Variants in TUB observed in about 807,000 individuals in gnomAD.
The protein encoded by TUB is TUB bipartite transcription factor, also known as tubby protein homolog.
TUB carries 33 observed loss-of-function variants against 59.7 expected under a neutral mutation model. The observed-to-expected ratio is 0.55, with a 90% confidence interval of 0.42 to 0.74. The LOEUF (loss-of-function observed/expected upper bound fraction) is 0.74. Ranked by LOEUF, TUB falls within the 30% of genes least tolerant of loss-of-function variation. The pLI is 0.00. For synonymous variants in TUB, 293 were observed against 256.4 expected (o/e 1.14, Z -1.36); for missense variants, 659 against 672.0 (o/e 0.98, Z 0.21).
At chr11:8,089,567 C>A (rs1395193213) in intron 1 of TUB, 43 bp from the exon 2 acceptor site, 4 of 1,613,544 alleles carry the variant, frequency 2.5e-6, no homozygotes, top group Non-Finnish European at 8.5e-7. Context: ...TATATCCTGG[C>A]ACCTCACGGG....
intron 2 of TUB, among the ~76,000 whole-genome samples, chr11:8,052,706 A>G (rs951118026): frequency 2.0e-5 from 3 of 152,034 alleles, no homozygotes; most frequent in African/African-American, 7.2e-5. Context: ...CGATCTCCTG[A>G]CCTCGTGATC....
chr11:8,089,558 A>G (rs1943731613), intron 1 of TUB, 52 bp from the exon 2 acceptor site: 2 of 1,273,630 alleles, frequency 1.6e-6, no homozygotes, highest in South Asian at 2.6e-5. Context: ...TCTGGGCTGT[A>G]TATCCTGGCA....
At position 8,081,259 on chromosome 11, in the gene TUB, C is replaced by G; in HGVS notation, c.-252C>G. The G allele has an allele frequency of 1.7e-6, 1 of 592,066 alleles. No individual in the cohort carries two copies. Among genetic ancestry groups the G allele is most frequent in the Non-Finnish European group, 2.1e-6 (1 of 470,542 alleles). The allele number at this position is 592,066 out of a possible 1,614,324, so 36.7% of individuals were successfully genotyped here. ...GCGCGGGACGGTGCGGTCGGCCTCC[C>G]CGCCTCCACGCGCGCGCACGACCCG... On this transcript the variant is annotated 5_prime_UTR_variant, in exon 1 of 12. Transcript: ENST00000299506.
intron 9 of TUB, among the ~76,000 whole-genome samples, chr11:8,100,267 G>A (rs1388403290): frequency 6.6e-6 from 1 of 150,798 alleles, no homozygotes; most frequent in Admixed American, 6.5e-5. Context: ...GCCGGAGCGA[G>A]TGGAAGAACA....
chr11:8,089,542 G>C (rs1242960370), intron 1 of TUB, 68 bp from the exon 2 acceptor site: 1 of 1,587,166 alleles, frequency 6.3e-7, no homozygotes, highest in African/African-American at 1.4e-5. Flanking sequence ...TATGCTGGGG[G>C]TGGGCTCTGG....
chr11:8,058,220 T>TAAAAA (rs59581554), intron 2 of TUB, among the ~76,000 whole-genome samples: 1 of 139,826 alleles, frequency 7.2e-6, no homozygotes, highest in Non-Finnish European at 1.5e-5. Context: ...TCTCAAAAAT[T>TAAAAA]AAAAAAAAAA....
chr11:8,101,147 T>G, intron 11 of TUB, 150 bp downstream of exon 11: 1 of 1,006,436 alleles, frequency 9.9e-7, no homozygotes. Flanking sequence ...TTTCTAACCC[T>G]AATGACTGGG....
intron 2 of TUB, among the ~76,000 whole-genome samples, chr11:8,064,105 C>T (rs11601971): frequency 0.14 from 21,856 of 152,144 alleles, 1,856 homozygotes; most frequent in Non-Finnish European, 0.19. Flanking sequence ...CAGACTTACT[C>T]AGTTCTCAGT....
rs772856470 is a variant in TUB at position 8,101,546 on chromosome 11, A to G, written c.1448A>G (p.Asn483Ser). 4 of 1,614,172 alleles carry G rather than the reference A, an allele frequency of 2.5e-6. No individual in the cohort carries two copies. The highest frequency in any genetic ancestry group is 2.2e-5 in the South Asian group (2 of 91,082). The change falls in exon 12 of 12, where the codon AAC (asparagine) becomes AGC (serine). Residue 483 changes from asparagine to serine, a missense_variant. Coordinates refer to ENST00000299506, the MANE Select transcript of TUB (RefSeq NM_177972.3). ...VAEDVFTMDY[N>S]YPLCALQAFA... ...GAGGATGTGTTCACCATGGATTACA[A>G]CTACCCGCTGTGTGCACTGCAGGCC... is the stretch of plus-strand genomic sequence containing the variant.
In TUB at chr11:8,095,665, G is replaced by C; in HGVS notation, c.565G>C (p.Gly189Arg). 1 of 1,595,478 alleles carries C rather than the reference G, an allele frequency of 6.3e-7. No individual in the cohort carries two copies. The highest frequency in any genetic ancestry group is 8.5e-7 in the Non-Finnish European group (1 of 1,171,198). The change falls in exon 5 of 12, where the codon GGC (glycine) becomes CGC (arginine). Residue 189 changes from glycine to arginine, a missense_variant and splice_region_variant. Transcript: ENST00000299506. ...QDLRATMQRK[G>R]ISSSMSFDED... ...TCTCCGTGCCACGATGCAGAGGAAG[G>C]GTGAGCCCCATGGGGACCCAGTGAT...
At chr11:8,063,839 C>T (rs1943180200) in intron 2 of TUB, among the ~76,000 whole-genome samples, 1 of 152,140 alleles carries the variant, frequency 6.6e-6, no homozygotes, top group African/African-American at 2.4e-5. Flanking sequence ...CCCCACAGCC[C>T]TCCAGTATAA....
upstream of TUB, chr11:8,076,524 T>C (rs981569500): frequency 3.3e-5 from 5 of 152,180 alleles, no homozygotes; most frequent in African/African-American, 1.2e-4. Flanking sequence ...TTCCAAGAGG[T>C]GTATCCCACT....
intron 5 of TUB, 55 bp from the exon 6 acceptor site, chr11:8,096,630 A>T: frequency 8.4e-7 from 1 of 1,190,370 alleles, no homozygotes; most frequent in Non-Finnish European, 1.3e-6. Context: ...TGTGTATTTC[A>T]GGGGCAGCGT....
upstream of TUB, among the ~76,000 whole-genome samples, chr11:8,034,989 G>A (rs114917093): frequency 2.4e-4 from 37 of 152,290 alleles, no homozygotes; most frequent in African/African-American, 8.2e-4. Flanking sequence ...CATGTCTCCC[G>A]GCTCCTTGTC....
At chr11:8,101,147 T>C (rs1444389473) in intron 11 of TUB, 150 bp downstream of exon 11, 2 of 1,006,318 alleles carry the variant, frequency 2.0e-6, no homozygotes, top group South Asian at 1.7e-5. Context: ...TTTCTAACCC[T>C]AATGACTGGG....
At position 8,093,762 on chromosome 11, in the gene TUB, T is replaced by G. The variant is rs114351367; in HGVS notation, c.254-284T>G. On this transcript the variant is annotated intron_variant, in intron 3 of 11. Coordinates refer to ENST00000299506, the MANE Select transcript of TUB (RefSeq NM_177972.3). ...TCAGTATGGTTTGGTGGCCCAGAAC[T>G]TTTGAGTGCGCACTTTGTTGGCTGA... 4.5e-3 allele frequency among the ~76,000 whole-genome samples: 691 copies of G among 152,204 alleles called. 5 individuals carry two copies. Among genetic ancestry groups the G allele is most frequent in the African/African-American group, 0.016 (665 of 41,522 alleles).
rs1183398336 is a variant in TUB, at chr11:8,039,667, TGGAA to T, written c.189_192del (p.Glu65SerfsTer5). ...CAGGAGAACAACCAGGAGGAAGTACTGGAAGGAAGGAAGGGAGATCGCTCGGTGA... is the reference window on the plus strand; with the variant it reads ...CAGGAGAACAACCAGGAGGAAGTACTGGAAGGAAGGGAGATCGCTCGGTGA... On this transcript the variant is annotated frameshift_variant, in exon 2 of 13. Coordinates refer to the TUB transcript ENST00000305253. LOFTEE classifies it high-confidence loss of function. The T allele has an allele frequency of 5.2e-6, 8 of 1,537,180 alleles. No individual in the cohort carries two copies. The highest frequency in any genetic ancestry group is 3.9e-5 in the Admixed American group (2 of 50,802).
chr11:8,089,644 C>G lies in TUB; in HGVS notation c.73C>G (p.Gln25Glu). 6.2e-7 allele frequency: 1 copy of G among 1,614,206 alleles called. No individual in the cohort carries two copies. The highest frequency in any genetic ancestry group is 8.5e-7 in the Non-Finnish European group (1 of 1,180,026). The change falls in exon 2 of 12, where the codon CAG becomes GAG. Residue 25 changes from glutamine to glutamate, a missense_variant. Physicochemically the swap from Gln to Glu is conservative, Grantham distance 29. Transcript: ENST00000299506. ...LDDEGRNLRQ[Q>E]KLDRQRALLE... ...TGATGAGGGCAGAAACCTGAGGCAG[C>G]AGAAGCTTGATCGGCAGGTGAGTAG...
Position 8,105,756 on chromosome 11 carries a change from A to AAGAC in TUB, c.*4139_*4142dup, listed in dbSNP as rs1255720966. ...CTGTGCCTTTTTTTCTTTCCTAAGA[A>AAGAC]AGACATCACATCCCTCTCCTCTCCT... On this transcript the variant is annotated 3_prime_UTR_variant, in exon 12 of 12. Coordinates refer to ENST00000299506, the MANE Select transcript of TUB (RefSeq NM_177972.3). The AAGAC allele has an allele frequency of 1.3e-5, 2 of 152,168 alleles. No homozygotes were observed. Among genetic ancestry groups the AAGAC allele is most frequent in the East Asian group, 1.9e-4 (1 of 5,192 alleles). The allele number at this position is 152,168 out of a possible 1,614,324, so 9.4% of individuals were successfully genotyped here. A position where few individuals can be genotyped will look rare whatever the true frequency, so the allele number is the denominator to read the frequency against.
Sources: gnomAD v4.1 joint callset for allele counts (sites outside exome capture counted in the v4.1 genomes callset) on GRCh38, gnomAD v4.1.1 for gene constraint, MANE v1.5 for transcripts, NCBI Gene and HGNC (gene_info 2026-07-23, HGNC 2026-07-21) for gene names.